Variants in MAPKAPK5 observed in about 807,000 individuals in gnomAD.
The protein encoded by MAPKAPK5 is MAPK activated protein kinase 5, also known as MAP kinase-activated protein kinase 5.
In MAPKAPK5, 30 loss-of-function variants were observed where a neutral mutation model predicts 65.1. The observed-to-expected ratio is 0.46, with a 90% CI of 0.34 to 0.63. The LOEUF (loss-of-function observed/expected upper bound fraction) is 0.63, where lower values mean the gene tolerates loss of function less well. Ranked by LOEUF, MAPKAPK5 falls within the 20% of genes least tolerant of loss-of-function variation. The pLI, the probability that MAPKAPK5 is intolerant of heterozygous loss-of-function variation, is 0.01. For missense variants in MAPKAPK5, 433 were observed against 581.4 expected, an observed-to-expected ratio of 0.74 and a Z score of 2.63; for synonymous variants, 179 against 204.6, an observed-to-expected ratio of 0.87 and a Z score of 1.07.
intron 1 of MAPKAPK5, among the ~76,000 whole-genome samples, chr12:111,861,551 C>T (rs768653744): frequency 1.2e-4 from 19 of 152,228 alleles, no homozygotes; most frequent in Non-Finnish European, 1.8e-4. Context: ...TGGTCTCGAA[C>T]TCCTGACCTC....
chr12:111,868,892 C>A, intron 5 of MAPKAPK5, 31 bp downstream of exon 5: 1 of 1,501,390 alleles, frequency 6.7e-7, no homozygotes, highest in Non-Finnish European at 9.0e-7. Flanking sequence ...AATCAAACTG[C>A]CACCAAAGTT....
chr12:111,853,632 T>A (rs1029658319), intron 1 of MAPKAPK5, among the ~76,000 whole-genome samples: 1 of 152,128 alleles, frequency 6.6e-6, no homozygotes, highest in Non-Finnish European at 1.5e-5. Context: ...CCTCCCGGGT[T>A]CAGGCAATTC....
At chr12:111,865,613 G>A (rs1046659513) in intron 2 of MAPKAPK5, among the ~76,000 whole-genome samples, 3 of 151,928 alleles carry the variant, frequency 2.0e-5, no homozygotes, top group East Asian at 1.9e-4. Flanking sequence ...TGAGGCAGGC[G>A]GATCATGAGG....
chr12:111,881,403 CTTTT>C (rs61349417), intron 8 of MAPKAPK5, among the ~76,000 whole-genome samples: 1 of 110,718 alleles, frequency 9.0e-6, no homozygotes. Flanking sequence ...CTGTCTGTTC[CTTTT>C]TTTTTTTTTT....
In MAPKAPK5 at chr12:111,901,141, T is replaced by A; in HGVS notation, c.*8080T>A. ...TCATGTTGGAGCATGGATGCCTATATGAGTACTGACATTCCTGATGAAGGA... is the reference window on the plus strand; with the variant it reads ...TCATGTTGGAGCATGGATGCCTATAAGAGTACTGACATTCCTGATGAAGGA... On this transcript the variant is annotated 3_prime_UTR_variant, in exon 14 of 14. Coordinates refer to ENST00000550735, the MANE Select transcript of MAPKAPK5 (RefSeq NM_003668.4). The A allele has an allele frequency of 2.2e-6, 1 of 456,112 alleles. No individual in the cohort carries two copies. The highest frequency in any genetic ancestry group is 4.4e-6 in the Non-Finnish European group (1 of 226,808). 28.3% of individuals were successfully genotyped at this position (456,112 alleles called of 1,614,324 possible).
At position 111,888,872 on chromosome 12, in the gene MAPKAPK5, C is replaced by G. The variant is rs559408424; in HGVS notation, c.1101-13C>G. 1.2e-6 allele frequency: 2 copies of G among 1,612,882 alleles called. No individual in the cohort carries two copies. Among genetic ancestry groups the G allele is most frequent in the African/African-American group, 1.3e-5 (1 of 75,024 alleles). ...TCTCACGTTGTCATTACCCCTCCCT[C>G]AAACTCTTAAAGCACCAAGCCAAAG... On this transcript the variant is annotated splice_polypyrimidine_tract_variant and intron_variant, in intron 11 of 13. Coordinates refer to ENST00000550735, the MANE Select transcript of MAPKAPK5 (RefSeq NM_003668.4).
At chr12:111,851,783 A>G (rs1190921879) in intron 1 of MAPKAPK5, among the ~76,000 whole-genome samples, 1 of 152,258 alleles carries the variant, frequency 6.6e-6, no homozygotes, top group Non-Finnish European at 1.5e-5. Flanking sequence ...GCCTGAAACA[A>G]TAAATTCCTG....
rs1262654729 is a variant in MAPKAPK5 at position 111,842,573 on chromosome 12, C to T, written c.-161C>T. 2 of 424,334 alleles carry T rather than the reference C, an allele frequency of 4.7e-6. No individual in the cohort carries two copies. The highest frequency in any genetic ancestry group is 7.3e-5 in the East Asian group (2 of 27,260). The allele number at this position is 424,334 out of a possible 1,614,324, so 26.3% of individuals were successfully genotyped here. On this transcript the variant is annotated 5_prime_UTR_variant, in exon 1 of 14. Transcript: ENST00000550735. ...CTAGAGCCGCCCGCCGAAGCAGAGC[C>T]GGCGCCGGGGTCCTCATCCCCACCG...
At position 111,846,719 on chromosome 12, in the gene MAPKAPK5, G is replaced by A. The variant is rs190057373; in HGVS notation, c.36+3950G>A. ...TCACCATGTTGGCCAGGCTGATCTC[G>A]AACTCCTGACCTCATGATCCACCCT... On this transcript the variant is annotated intron_variant, in intron 1 of 13. Coordinates refer to ENST00000550735, the MANE Select transcript of MAPKAPK5 (RefSeq NM_003668.4). Among the ~76,000 whole-genome samples the A allele has an allele frequency of 3.0e-4, 45 of 151,768 alleles. 1 individual carries two copies. The highest frequency in any genetic ancestry group is 2.4e-3 in the Admixed American group (36 of 15,220).
Position 111,867,772 on chromosome 12 carries a change from C to T in MAPKAPK5, c.284+103C>T, listed in dbSNP as rs56951844. The T allele has an allele frequency of 4.3e-3, 3,592 of 834,092 alleles. 96 individuals carry two copies. The African/African-American group carries it at 0.053, about 12-fold the overall frequency. 51.7% of individuals were successfully genotyped at this position (834,092 alleles called of 1,614,324 possible). ...TCCCTCCCCTTCCCTCTCCTTCTTC[C>T]TCCTACCCTCGCTTCCTCTGCCCTT... is the stretch of plus-strand genomic sequence containing the variant. On this transcript the variant is annotated intron_variant, in intron 4 of 13. Coordinates refer to ENST00000550735, the MANE Select transcript of MAPKAPK5 (RefSeq NM_003668.4).
intron 1 of MAPKAPK5, among the ~76,000 whole-genome samples, chr12:111,860,503 C>T (rs1229617664): frequency 6.6e-6 from 1 of 152,218 alleles, no homozygotes; most frequent in Non-Finnish European, 1.5e-5. Flanking sequence ...ACATTCACCA[C>T]TTTTAGCTGG....
At chr12:111,886,174 G>C in intron 10 of MAPKAPK5, 138 bp downstream of exon 10, 1 of 1,304,302 alleles carries the variant, frequency 7.7e-7, no homozygotes, top group Non-Finnish European at 1.1e-6. Flanking sequence ...GGTTTCCTGA[G>C]AGTCAGGATC....
rs1309329254 is a variant in MAPKAPK5, at chr12:111,894,415, C to T, written c.*1354C>T. On this transcript the variant is annotated 3_prime_UTR_variant, in exon 14 of 14. Coordinates refer to ENST00000550735, the MANE Select transcript of MAPKAPK5 (RefSeq NM_003668.4). ...CCTTTCCCCTTCCCTGCAGCCTTCA[C>T]CAGCTCCATTACTCCTTATTTCTGT... 1.3e-5 allele frequency: 2 copies of T among 152,534 alleles called. No individual in the cohort carries two copies. The highest frequency in any genetic ancestry group is 2.9e-5 in the Non-Finnish European group (2 of 68,242). The allele number at this position is 152,534 out of a possible 1,614,324, so 9.4% of individuals were successfully genotyped here.
chr12:111,845,585 A>T (rs1350453213), intron 1 of MAPKAPK5, among the ~76,000 whole-genome samples: 1 of 152,064 alleles, frequency 6.6e-6, no homozygotes, highest in African/African-American at 2.4e-5. Context: ...TTTGTTTGTT[A>T]GTTTTTGAGG....
rs546982009 is a variant in MAPKAPK5, at chr12:111,900,186, CAA to C, written c.*7126_*7127del. ...ACTCAGGAATTTCAATCACTGGAGA[CAA>C]GAGATGCTCTTCCATCGTGCAAAAC... is the stretch of plus-strand genomic sequence containing the variant. On this transcript the variant is annotated 3_prime_UTR_variant, in exon 14 of 14. Transcript: ENST00000550735. 2.7e-4 allele frequency: 124 copies of C among 455,986 alleles called. No homozygotes were observed. The highest frequency in any genetic ancestry group is 4.8e-4 in the South Asian group (31 of 64,550). The allele number at this position is 455,986 out of a possible 1,614,324, so 28.2% of individuals were successfully genotyped here.
At chr12:111,869,259 C>G (rs1317785478) in intron 5 of MAPKAPK5, among the ~76,000 whole-genome samples, 1 of 152,220 alleles carries the variant, frequency 6.6e-6, no homozygotes, top group Non-Finnish European at 1.5e-5. Flanking sequence ...GAGAATTGTA[C>G]ATAAGATGCT....
chr12:111,886,117 A>T, intron 10 of MAPKAPK5, 81 bp downstream of exon 10: 18 of 1,593,372 alleles, frequency 1.1e-5, no homozygotes, highest in Middle Eastern at 3.3e-4. Context: ...GAGGGGTTAG[A>T]GGCAAAACAG....
In MAPKAPK5 at chr12:111,890,160, A is replaced by G. The variant is rs1593186608; in HGVS notation, c.1321+16A>G. 6.6e-7 allele frequency: 1 copy of G among 1,526,226 alleles called. No homozygotes were observed. The highest frequency in any genetic ancestry group is 2.3e-5 in the East Asian group (1 of 42,858). 94.5% of individuals were successfully genotyped at this position (1,526,226 alleles called of 1,614,324 possible). A position where few individuals can be genotyped will look rare whatever the true frequency, so the allele number is the denominator to read the frequency against. On this transcript the variant is annotated intron_variant, in intron 13 of 13. Transcript: ENST00000550735. ...AGCTGGAATGGTAGGAGCCTTCATC[A>G]ACTCCCTTCCCCAGGAATGCAGACA...
intron 1 of MAPKAPK5, among the ~76,000 whole-genome samples, chr12:111,844,730 C>CTG (rs2068852751): frequency 6.6e-6 from 1 of 152,160 alleles, no homozygotes; most frequent in African/African-American, 2.4e-5. Context: ...GTGAGGAGTA[C>CTG]TGTGTTAAAT....
Sources: gnomAD v4.1 joint callset for allele counts (sites outside exome capture counted in the v4.1 genomes callset) on GRCh38, gnomAD v4.1.1 for gene constraint, MANE v1.5 for transcripts, NCBI Gene and HGNC (gene_info 2026-07-23, HGNC 2026-07-21) for gene names.